The following TACC1 variants were observed in gnomAD, a reference collection of about 807,000 sequenced individuals.
TACC1 encodes transforming acidic coiled-coil containing protein 1.
A neutral mutation model predicts 84.4 loss-of-function variants in TACC1; 48 were observed. The ratio of observed to expected loss-of-function variants is 0.57; its 90% CI spans 0.45 to 0.72. The LOEUF is 0.72. Among genes scored for constraint, TACC1 ranks in the 30% least tolerant of loss-of-function variants. TACC1 has a pLI of 0.00. For synonymous variants in TACC1, 372 were observed against 376.3 expected, an observed-to-expected ratio of 0.99 and a Z score of 0.13; for missense variants, 920 against 973.0, an observed-to-expected ratio of 0.95 and a Z score of 0.72.
In TACC1 at chr8:38,848,132, ACT is replaced by A; in HGVS notation, c.*110_*111del. The A allele has an allele frequency of 9.0e-7, 1 of 1,110,510 alleles. No individual in the cohort carries two copies. The allele number at this position is 1,110,510 out of a possible 1,614,324, so 68.8% of individuals were successfully genotyped here. A position where few individuals can be genotyped will look rare whatever the true frequency, so the allele number is the denominator to read the frequency against. On this transcript the variant is annotated 3_prime_UTR_variant, in exon 13 of 13. Transcript: ENST00000317827. ...TGCCCCTTTGCAGAGAAAAAAAAAA[ACT>A]TAAAAAAAGCACATGCCTACTGCTG...
intron 3 of TACC1, among the ~76,000 whole-genome samples, chr8:38,751,484 A>G (rs974897975): frequency 6.6e-6 from 1 of 152,138 alleles, no homozygotes; most frequent in Non-Finnish European, 1.5e-5. Context: ...TGCTCGTTTT[A>G]TTGCATTTCA....
intron 7 of TACC1, 107 bp downstream of exon 7, chr8:38,836,394 G>GTTCTTATTACCTGCAGCT (rs1830240550): frequency 2.7e-6 from 4 of 1,488,610 alleles, no homozygotes; most frequent in Non-Finnish European, 3.6e-6. Context: ...CAGGCTGGAA[G>GTTCTTATTACCTGCAGCT]TTCTTATTAC....
intron 3 of TACC1, among the ~76,000 whole-genome samples, chr8:38,774,393 G>A (rs886627931): frequency 6.6e-6 from 1 of 152,016 alleles, no homozygotes; most frequent in Non-Finnish European, 1.5e-5. Context: ...GGCTGGCAAA[G>A]CTTGGTCATT....
intron 3 of TACC1, among the ~76,000 whole-genome samples, chr8:38,780,068 A>AT (rs1178240708): frequency 2.0e-5 from 3 of 152,184 alleles, no homozygotes; most frequent in East Asian, 1.9e-4. Context: ...CAGAAGCTTC[A>AT]TTTTTTTAAA....
At chr8:38,838,331 C>T in intron 7 of TACC1, 139 bp from the exon 8 acceptor site, 1 of 592,826 alleles carries the variant, frequency 1.7e-6, no homozygotes, top group Non-Finnish European at 3.0e-6. Flanking sequence ...CAAATGGTTA[C>T]AAACATTTAA....
chr8:38,736,037 A>G (rs967706285), intron 1 of TACC1, among the ~76,000 whole-genome samples: 6 of 152,170 alleles, frequency 3.9e-5, no homozygotes, highest in African/African-American at 1.4e-4. Flanking sequence ...GCTCCAGGAA[A>G]TCATCTGGTC....
chr8:38,745,269 G>A (rs1051125091), exon 3 of TACC1: 56 of 482,490 alleles, frequency 1.2e-4, no homozygotes, highest in East Asian at 7.1e-4. Flanking sequence ...AACAGAGCTC[G>A]CAGTTCAGGC....
intron 3 of TACC1, among the ~76,000 whole-genome samples, chr8:38,769,233 CTG>C (rs1450635205): frequency 9.8e-6 from 1 of 101,742 alleles, no homozygotes; most frequent in Admixed American, 1.1e-4. Context: ...GTGTATGAGA[CTG>C]TGTATGGGTT....
Position 38,820,471 on chromosome 8 carries a change from C to G in TACC1, c.1227C>G (p.Leu409=), listed in dbSNP as rs1282027879. The G allele has an allele frequency of 6.2e-7, 1 of 1,614,120 alleles. No individual in the cohort carries two copies. The highest frequency in any genetic ancestry group is 1.3e-5 in the African/African-American group (1 of 74,946). ...CTGTTCTGCAGAACTCCCCACCCCT[C>G]TCTTCTGAGGGCTCCTACCACTTTG... ...SHSVLQNSPP[L]SSEGSYHFDP... The change falls in exon 3 of 13, where the codon CTC becomes CTG. Residue 409 remains leucine (L), a synonymous_variant. Transcript: ENST00000317827.
chr8:38,781,419 T>A (rs1815950070), intron 3 of TACC1, among the ~76,000 whole-genome samples: 1 of 151,356 alleles, frequency 6.6e-6, no homozygotes, highest in Non-Finnish European at 1.5e-5. Context: ...ACTTGTTCTG[T>A]CCCCCAGGCT....
intron 2 of TACC1, among the ~76,000 whole-genome samples, chr8:38,790,135 C>T (rs1818296757): frequency 6.6e-6 from 1 of 152,218 alleles, no homozygotes; most frequent in Admixed American, 6.5e-5. Context: ...CTAGCCTCTG[C>T]TGGGTGTCTG....
intron 4 of TACC1, among the ~76,000 whole-genome samples, chr8:38,825,726 T>A (rs1827895393): frequency 6.6e-6 from 1 of 152,250 alleles, no homozygotes; most frequent in Non-Finnish European, 1.5e-5. Flanking sequence ...TTAAGTCAGA[T>A]GGTTTTCTAA....
At chr8:38,825,487 T>G in intron 4 of TACC1, 119 bp downstream of exon 4, 4 of 1,016,278 alleles carry the variant, frequency 3.9e-6, no homozygotes, top group Non-Finnish European at 6.1e-6. Context: ...TACTCAGCTT[T>G]AAGAAGCCAA....
rs1832690250 is a variant in TACC1 at position 38,848,469 on chromosome 8, TATTGTTACTTCCAATTTA to T, written c.*447_*464del. ...TTTTATTTAAGGAGACAGTTTGGCC[TATTGTTACTTCCAATTTA>T]TAATCAAGAAGGGGCTCTGGATCCC... On this transcript the variant is annotated 3_prime_UTR_variant, in exon 13 of 13. Coordinates refer to ENST00000317827, the MANE Select transcript of TACC1 (RefSeq NM_006283.3). 1 of 153,284 alleles carries T rather than the reference TATTGTTACTTCCAATTTA, an allele frequency of 6.5e-6. No individual in the cohort carries two copies. The highest frequency in any genetic ancestry group is 1.5e-5 in the Non-Finnish European group (1 of 68,480). The allele number at this position is 153,284 out of a possible 1,614,324, so 9.5% of individuals were successfully genotyped here.
chr8:38,757,458 C>T (rs1810318310), intron 3 of TACC1: 7 of 1,118,154 alleles, frequency 6.3e-6, no homozygotes, highest in African/African-American at 1.7e-5. Flanking sequence ...GTTTGCGTGC[C>T]AGCCCGGGAT....
At chr8:38,840,091 C>A (rs113746692) in intron 8 of TACC1, 133 bp from the exon 9 acceptor site, 1 of 433,668 alleles carries the variant, frequency 2.3e-6, no homozygotes, top group Non-Finnish European at 4.2e-6. Context: ...ATAACGAGAG[C>A]CCCAAAGCAG....
rs1245080320 is a variant in TACC1, at chr8:38,849,738, TGTC to T, written c.*1716_*1718del. The T allele has an allele frequency of 6.5e-6, 1 of 152,678 alleles. No individual in the cohort carries two copies. Among genetic ancestry groups the T allele is most frequent in the Non-Finnish European group, 1.5e-5 (1 of 68,056 alleles). The allele number at this position is 152,678 out of a possible 1,614,324, so 9.5% of individuals were successfully genotyped here. ...GCTTAGGCTGTATATTCAAGCCTGT[TGTC>T]TTAACATTTTGTATAAAAAAGAACA... On this transcript the variant is annotated 3_prime_UTR_variant, in exon 13 of 13. Transcript: ENST00000317827.
At chr8:38,830,739 G>A (rs1199313554) in intron 5 of TACC1, among the ~76,000 whole-genome samples, 1 of 152,160 alleles carries the variant, frequency 6.6e-6, no homozygotes, top group Non-Finnish European at 1.5e-5. Flanking sequence ...CCACCCTTCT[G>A]GGCTGGAATT....
intron 2 of TACC1, among the ~76,000 whole-genome samples, chr8:38,815,126 C>T (rs1825129749): frequency 1.3e-5 from 2 of 152,170 alleles, no homozygotes; most frequent in Non-Finnish European, 2.9e-5. Context: ...CCATCCACTC[C>T]TGCTGGGCGC....
Sources: gnomAD v4.1 joint callset for allele counts (sites outside exome capture counted in the v4.1 genomes callset) on GRCh38, gnomAD v4.1.1 for gene constraint, MANE v1.5 for transcripts, NCBI Gene and HGNC (gene_info 2026-07-23, HGNC 2026-07-21) for gene names.